The following AXDND1 variants were observed in gnomAD, a reference collection of about 807,000 sequenced individuals.
The protein encoded by AXDND1 is axonemal dynein light chain domain-containing protein 1.
AXDND1 carries 110 observed loss-of-function variants against 137.5 expected under a neutral mutation model. The observed-to-expected ratio is 0.80, with a 90% CI of 0.69 to 0.94. The LOEUF (loss-of-function observed/expected upper bound fraction) is 0.94. Ranked by LOEUF, AXDND1 falls within the 40% of genes least tolerant of loss-of-function variation. AXDND1 has a pLI of 0.00. For synonymous variants in AXDND1, 414 were observed against 399.7 expected (o/e 1.04, Z -0.43); for missense variants, 1,191 against 1,169.8 (o/e 1.02, Z -0.26).
intron 25 of AXDND1, among the ~76,000 whole-genome samples, chr1:179,547,932 C>T (rs151222822): frequency 3.1e-4 from 47 of 152,278 alleles, no homozygotes; most frequent in African/African-American, 9.6e-4. Context: ...GGGGGATTGT[C>T]TGAGTTTTGG....
chr1:179,387,648 G>C (rs1358758826), intron 9 of AXDND1, among the ~76,000 whole-genome samples: 1 of 152,170 alleles, frequency 6.6e-6, no homozygotes, highest in Non-Finnish European at 1.5e-5. Flanking sequence ...ACACAATTAA[G>C]TTATTTAAAA....
At chr1:179,470,804 G>T (rs916600016) in intron 17 of AXDND1, among the ~76,000 whole-genome samples, 1 of 152,068 alleles carries the variant, frequency 6.6e-6, no homozygotes, top group African/African-American at 2.4e-5. Context: ...TCAGTACAAT[G>T]TTGAATGGAA....
chr1:179,444,026 C>T (rs1240290397), intron 15 of AXDND1, among the ~76,000 whole-genome samples: 1 of 149,452 alleles, frequency 6.7e-6, no homozygotes, highest in East Asian at 2.0e-4. Flanking sequence ...ATTTCCTGTT[C>T]TATATACAAC....
chr1:179,421,269 CT>C (rs1185537046), intron 12 of AXDND1, among the ~76,000 whole-genome samples: 5 of 150,632 alleles, frequency 3.3e-5, no homozygotes, highest in Non-Finnish European at 7.4e-5. Context: ...CTGCTTTGTT[CT>C]CTTTGCACAA....
chr1:179,419,053 T>C (rs1013484044), intron 12 of AXDND1, among the ~76,000 whole-genome samples: 8 of 148,976 alleles, frequency 5.4e-5, no homozygotes, highest in African/African-American at 1.8e-4. Context: ...ACTTCCTAGA[T>C]GGGATGGCGG....
chr1:179,388,859 G>A (rs1319305419), intron 9 of AXDND1, among the ~76,000 whole-genome samples: 1 of 151,750 alleles, frequency 6.6e-6, no homozygotes, highest in Non-Finnish European at 1.5e-5. Context: ...GCCTCCCAGA[G>A]TGCTGGGATA....
At chr1:179,415,649 C>A (rs909883245) in intron 12 of AXDND1, among the ~76,000 whole-genome samples, 1 of 152,056 alleles carries the variant, frequency 6.6e-6, no homozygotes, top group Non-Finnish European at 1.5e-5. Flanking sequence ...CTTCTCATTA[C>A]CTCCAACCCA....
Position 179,430,521 on chromosome 1 carries a change from C to A in AXDND1, c.1402C>A (p.Gln468Lys). Residue 468 changes from glutamine to lysine, a missense_variant, in exon 14 of 26, where the codon CAA (glutamine) becomes AAA (lysine). Gln to Lys is a moderately conservative substitution (Grantham distance 53, BLOSUM62 1). Coordinates refer to ENST00000367618, the MANE Select transcript of AXDND1 (RefSeq NM_144696.6). ...GAGAAACTTAGTGAATAAACTTAAA[C>A]AAGAGGTAGAACAAATGGAAGAGTC... Reference protein sequence around the residue: ...KWRNLVNKLKQEVEQMEESTS... With the variant: ...KWRNLVNKLKKEVEQMEESTS... 6.2e-7 allele frequency: 1 copy of A among 1,613,710 alleles called. No individual in the cohort carries two copies. Among genetic ancestry groups the A allele is most frequent in the Non-Finnish European group, 8.5e-7 (1 of 1,179,872 alleles).
intron 6 of AXDND1, among the ~76,000 whole-genome samples, chr1:179,382,213 G>A (rs919274785): frequency 6.6e-6 from 1 of 151,530 alleles, no homozygotes; most frequent in Non-Finnish European, 1.5e-5. Flanking sequence ...TGAGTAGCTG[G>A]GATTACAGGC....
rs61446505 is a variant in AXDND1 at position 179,503,703 on chromosome 1, C to G, written c.2389-5593C>G. Among the ~76,000 whole-genome samples, 692 of 152,208 alleles carry G rather than the reference C, an allele frequency of 4.5e-3. 3 individuals are homozygous for G. The highest frequency in any genetic ancestry group is 0.015 in the African/African-American group (623 of 41,514). Reference sequence around the variant, plus strand: ...ATATTTCCTAATGCCATCCCTCCCCCCTGCCCTCACCCCACAACAGTCCCC... The same window carrying G: ...ATATTTCCTAATGCCATCCCTCCCCGCTGCCCTCACCCCACAACAGTCCCC... On this transcript the variant is annotated intron_variant, in intron 20 of 25. Transcript: ENST00000367618.
At chr1:179,432,415 A>G in intron 15 of AXDND1, 73 bp downstream of exon 15, 1 of 1,424,230 alleles carries the variant, frequency 7.0e-7, no homozygotes, top group Non-Finnish European at 9.2e-7. Flanking sequence ...CCTACAACTG[A>G]GGCACATCCC....
At chr1:179,464,270 G>A (rs1453368121) in intron 16 of AXDND1, among the ~76,000 whole-genome samples, 1 of 152,164 alleles carries the variant, frequency 6.6e-6, no homozygotes, top group Non-Finnish European at 1.5e-5. Context: ...TCCTTTCCAT[G>A]TTTAGTGCTT....
intron 16 of AXDND1, chr1:179,456,444 C>A: frequency 1.3e-6 from 1 of 767,506 alleles, no homozygotes; most frequent in East Asian, 2.4e-5. Context: ...ACTACCACCA[C>A]CAAAGCTGCC....
chr1:179,489,161 G>T (rs979421097), intron 18 of AXDND1, among the ~76,000 whole-genome samples: 2 of 125,566 alleles, frequency 1.6e-5, no homozygotes, highest in African/African-American at 3.5e-5. Flanking sequence ...TGTCTTTTAA[G>T]AATTTTATAT....
chr1:179,452,780 G>T (rs1319824844), intron 16 of AXDND1: 1 of 148,486 alleles, frequency 6.7e-6, no homozygotes, highest in South Asian at 2.1e-4. Context: ...ATTTACTTAA[G>T]TAATGGGGAG....
chr1:179,468,719 C>G (rs1663548450), intron 17 of AXDND1, 78 bp downstream of exon 17: 1 of 1,200,724 alleles, frequency 8.3e-7, no homozygotes, highest in Admixed American at 2.6e-5. Context: ...ATATAATTCA[C>G]TTTTTCAAAG....
intron 16 of AXDND1, chr1:179,447,433 G>A (rs58340590): frequency 0.097 from 35,782 of 367,288 alleles, 2,012 homozygotes; most frequent in African/African-American, 0.14. Flanking sequence ...TGATTTTTGT[G>A]TATTTAAGAT....
At chr1:179,471,410 C>G (rs1663915925) in intron 17 of AXDND1, among the ~76,000 whole-genome samples, 1 of 152,138 alleles carries the variant, frequency 6.6e-6, no homozygotes, top group African/African-American at 2.4e-5. Context: ...TTTATATTGT[C>G]TATTTCTTAT....
At chr1:179,408,154 C>T (rs1379839330) in intron 11 of AXDND1, among the ~76,000 whole-genome samples, 10 of 151,962 alleles carry the variant, frequency 6.6e-5, no homozygotes, top group Non-Finnish European at 1.3e-4. Context: ...GTTTCTCATC[C>T]AGATCATGGA....
Sources: allele counts gnomAD v4.1 joint callset (sites outside exome capture counted in the v4.1 genomes callset), GRCh38; gene constraint gnomAD v4.1.1; transcripts MANE v1.5; gene names NCBI Gene and HGNC (gene_info 2026-07-23, HGNC 2026-07-21).